PSD3: variants seen among roughly 807,000 people sequenced by gnomAD.
PSD3 encodes the protein pleckstrin and Sec7 domain containing 3.
Under a neutral mutation model 105.5 loss-of-function variants are expected in PSD3, and 49 were observed. That is an observed-to-expected ratio of 0.46 (90% CI 0.37 to 0.59). The LOEUF is 0.59. PSD3 is among the 20% of genes least tolerant of loss of function. The probability of loss-of-function intolerance (pLI) is 0.00; values close to 1 mark genes in which losing one functional copy is unlikely to be tolerated. For synonymous variants in PSD3, 557 were observed against 457.8 expected (o/e 1.22, Z -2.77); for missense variants, 1,561 against 1,263.8 (o/e 1.24, Z -3.57).
intron 11 of PSD3, among the ~76,000 whole-genome samples, chr8:18,614,343 C>A (rs1224971576): frequency 6.7e-6 from 1 of 150,150 alleles, no homozygotes; most frequent in Non-Finnish European, 1.5e-5. Context: ...TCCCCCATCC[C>A]CCCCCCAAAA....
intron 10 of PSD3, among the ~76,000 whole-genome samples, chr8:18,643,153 G>A (rs1349772087): frequency 6.6e-6 from 1 of 152,146 alleles, no homozygotes; most frequent in African/African-American, 2.4e-5. Context: ...TCTGATGAGG[G>A]ACTCCCTTGC....
Position 18,936,137 on chromosome 8 carries a change from C to G in PSD3, c.27G>C (p.Glu9Asp), listed in dbSNP as rs1822118138. The G allele has an allele frequency of 6.2e-7, 1 of 1,607,194 alleles. No homozygotes were observed. Among genetic ancestry groups the G allele is most frequent in the Non-Finnish European group, 8.5e-7 (1 of 1,175,328 alleles). Residue 9 changes from glutamate (E) to aspartate (D), a missense_variant, in exon 2 of 16, where the codon GAG (glutamate) becomes GAC (aspartate). Physicochemically the swap from Glu to Asp is conservative, Grantham distance 45 (BLOSUM62 2). Coordinates refer to ENST00000327040, the MANE Select transcript of PSD3 (RefSeq NM_015310.4). The stretch of plus-strand genomic sequence containing the variant: ...ATGCATTGTTCACCCAAACAAATGT[C>G]TCTGCCTGCAAAATAAGAACAAAAC... MEGRSAAA[E>D]TFVWVNNASA...
At chr8:18,879,383 T>C (rs898476722) in intron 2 of PSD3, among the ~76,000 whole-genome samples, 4 of 152,144 alleles carry the variant, frequency 2.6e-5, no homozygotes, top group Non-Finnish European at 4.4e-5. Context: ...TGGTCTGTGT[T>C]TACTGTTCTA....
chr8:18,596,557 G>T (rs569372358), intron 12 of PSD3, among the ~76,000 whole-genome samples: 3 of 151,672 alleles, frequency 2.0e-5, no homozygotes, highest in Non-Finnish European at 4.4e-5. Flanking sequence ...CTTTTCAAAA[G>T]ATCAACAAAA....
intron 1 of PSD3, among the ~76,000 whole-genome samples, chr8:18,949,541 A>C (rs1823110438): frequency 6.6e-6 from 1 of 151,982 alleles, no homozygotes; most frequent in African/African-American, 2.4e-5. Flanking sequence ...AATTTCATTA[A>C]AGGTAAATAT....
At chr8:18,641,578 G>A (rs189989351) in intron 10 of PSD3, among the ~76,000 whole-genome samples, 2 of 152,266 alleles carry the variant, frequency 1.3e-5, no homozygotes, top group Admixed American at 6.5e-5. Context: ...ATGGAAATGG[G>A]GTGATAAACT....
At chr8:19,042,511 A>G (rs970715417) in intron 1 of PSD3, among the ~76,000 whole-genome samples, 22 of 152,262 alleles carry the variant, frequency 1.4e-4, no homozygotes, top group African/African-American at 5.3e-4. Flanking sequence ...ATTTTCCACT[A>G]GCAAAGTAGG....
intron 10 of PSD3, among the ~76,000 whole-genome samples, chr8:18,646,775 T>C (rs1373887256): frequency 6.6e-6 from 1 of 152,154 alleles, no homozygotes; most frequent in African/African-American, 2.4e-5. Context: ...TAATATGTAT[T>C]AATACCTAAA....
chr8:18,996,634 T>C (rs938098805), intron 1 of PSD3, among the ~76,000 whole-genome samples: 14 of 151,986 alleles, frequency 9.2e-5, no homozygotes, highest in African/African-American at 3.4e-4. Context: ...TTACTGTCTT[T>C]CCCATTGGTA....
At chr8:18,898,001 G>A (rs984538484) in intron 2 of PSD3, among the ~76,000 whole-genome samples, 3 of 152,086 alleles carry the variant, frequency 2.0e-5, no homozygotes, top group African/African-American at 7.2e-5. Context: ...TTCTTGTCTT[G>A]TTCCAGAGCT....
At chr8:18,579,096 CCACACACACACACACACACA>C (rs3988324) in intron 12 of PSD3, among the ~76,000 whole-genome samples, 1 of 143,556 alleles carries the variant, frequency 7.0e-6, no homozygotes, top group Admixed American at 6.9e-5. Flanking sequence ...AGCTCCAAGT[CCACACACACACACACACACA>C]CACACACACA....
intron 9 of PSD3, among the ~76,000 whole-genome samples, chr8:18,756,605 G>A (rs1160483801): frequency 6.6e-6 from 1 of 152,044 alleles, no homozygotes; most frequent in Admixed American, 6.6e-5. Flanking sequence ...AGATCACCCT[G>A]TGAAGTTGTT....
chr8:18,613,241 C>T (rs1031786891), intron 11 of PSD3, among the ~76,000 whole-genome samples: 8 of 152,086 alleles, frequency 5.3e-5, no homozygotes, highest in Non-Finnish European at 1.0e-4. Flanking sequence ...ACTGCCGGTC[C>T]GGATGAAGCC....
intron 10 of PSD3, among the ~76,000 whole-genome samples, chr8:18,655,055 C>T (rs567613233): frequency 2.0e-4 from 31 of 151,914 alleles, no homozygotes; most frequent in Non-Finnish European, 4.6e-4. Flanking sequence ...CGGGCGTGGT[C>T]GCTCACTCCT....
At chr8:19,003,268 G>A (rs1563501401) in intron 1 of PSD3, among the ~76,000 whole-genome samples, 1 of 151,986 alleles carries the variant, frequency 6.6e-6, no homozygotes, top group East Asian at 1.9e-4. Context: ...CTATTTGGGA[G>A]GCTGAGGGAG....
chr8:18,890,123 C>T (rs1441636814), intron 2 of PSD3, among the ~76,000 whole-genome samples: 1 of 151,948 alleles, frequency 6.6e-6, no homozygotes, highest in Non-Finnish European at 1.5e-5. Flanking sequence ...TTATTGTTAC[C>T]TTTTTTTAAA....
chr8:18,721,284 T>C (rs1375661504), intron 9 of PSD3: 1 of 150,982 alleles, frequency 6.6e-6, no homozygotes, highest in Non-Finnish European at 1.5e-5. Flanking sequence ...AATGTTCCAA[T>C]ACAGGCTCCA....
rs548330835 is a variant in PSD3 at position 18,820,550 on chromosome 8, G to A, written c.1635-15652C>T. Among the ~76,000 whole-genome samples the A allele has an allele frequency of 2.0e-5, 3 of 152,176 alleles. No homozygotes were observed. The South Asian group carries it at 6.2e-4, about 32-fold the overall frequency. On this transcript the variant is annotated intron_variant, in intron 4 of 15. Coordinates refer to ENST00000327040, the MANE Select transcript of PSD3 (RefSeq NM_015310.4). ...ATCTCTAAGCTACTTTTAATACCTA[G>A]ACAATGTAAATGCTATGTTAATAGT...
intron 11 of PSD3, among the ~76,000 whole-genome samples, chr8:18,624,453 T>C (rs1007067276): frequency 6.9e-6 from 1 of 145,870 alleles, no homozygotes; most frequent in Admixed American, 7.3e-5. Flanking sequence ...GTATTTTTTA[T>C]AAGTAATTTA....
Sources: allele counts gnomAD v4.1 joint callset (sites outside exome capture counted in the v4.1 genomes callset), GRCh38; gene constraint gnomAD v4.1.1; transcripts MANE v1.5; gene names NCBI Gene and HGNC (gene_info 2026-07-23, HGNC 2026-07-21).